The following SNTG2 variants were observed in gnomAD, a reference collection of about 807,000 sequenced individuals.
The protein encoded by SNTG2 is gamma-2-syntrophin.
SNTG2 carries 74 observed loss-of-function variants against 70.9 expected under a neutral mutation model. The ratio of observed to expected loss-of-function variants is 1.04; its 90% CI spans 0.86 to 1.27. SNTG2 has a LOEUF of 1.27. Among genes scored for constraint, SNTG2 ranks in the 50% most tolerant of loss-of-function variants. The probability of loss-of-function intolerance (pLI) is 0.00; values close to 1 mark genes in which losing one functional copy is unlikely to be tolerated. For synonymous variants in SNTG2, 278 were observed against 273.8 expected, an observed-to-expected ratio of 1.02 and a Z score of -0.15; for missense variants, 717 against 690.7, an observed-to-expected ratio of 1.04 and a Z score of -0.43.
In SNTG2 at chr2:1,209,175, G is replaced by A. The variant is rs756219413; in HGVS notation, c.664G>A (p.Val222Met). The change falls in exon 9 of 17, where the codon GTG becomes ATG. Residue 222 changes from valine to methionine, a missense_variant. Physicochemically the swap from Val to Met is conservative, Grantham distance 21 (BLOSUM62 1). Coordinates refer to ENST00000308624, the MANE Select transcript of SNTG2 (RefSeq NM_018968.4). ...GAAGCGCTGGCTGGACACCTTGTCCGTGCCTCTGTCCATGGCTCGCATCTC... is the reference window on the plus strand; with the variant it reads ...GAAGCGCTGGCTGGACACCTTGTCCATGCCTCTGTCCATGGCTCGCATCTC... ...YEKRWLDTLS[V>M]PLSMARISRY... is the part of the protein sequence containing the mutation. The A allele has an allele frequency of 2.0e-5, 32 of 1,613,828 alleles. No homozygotes were observed. Among genetic ancestry groups the A allele is most frequent in the East Asian group, 6.7e-5 (3 of 44,874 alleles).
At chr2:1,244,695 C>CAAAAAAAAA (rs558051455) in intron 11 of SNTG2, among the ~76,000 whole-genome samples, 1 of 88,618 alleles carries the variant, frequency 1.1e-5, no homozygotes, top group Non-Finnish European at 2.3e-5. Context: ...GACTCCATCT[C>CAAAAAAAAA]AAAAAAAAAA....
At chr2:1,290,527 C>T (rs1446864620) in intron 14 of SNTG2, among the ~76,000 whole-genome samples, 2 of 152,148 alleles carry the variant, frequency 1.3e-5, no homozygotes, top group Non-Finnish European at 1.5e-5. Flanking sequence ...GTTGTCCAGA[C>T]TGGTCTTGAG....
chr2:1,346,209 G>T lies in SNTG2; in HGVS notation c.1489-21134G>T. ...AAGCAGGACATGCATAGGAAGAGTGGACTGGCACTTTTCCCCCTGTTCTGG... is the reference window on the plus strand; with the variant it reads ...AAGCAGGACATGCATAGGAAGAGTGTACTGGCACTTTTCCCCCTGTTCTGG... On this transcript the variant is annotated intron_variant, in intron 16 of 16. Coordinates refer to ENST00000308624, the MANE Select transcript of SNTG2 (RefSeq NM_018968.4). Among the ~76,000 whole-genome samples the T allele has an allele frequency of 1.9e-5, 2 of 103,252 alleles. 1 individual carries two copies. Among genetic ancestry groups the T allele is most frequent in the East Asian group, 6.3e-4 (2 of 3,164 alleles). 67.7% of individuals were successfully genotyped at this position (103,252 alleles called of 152,430 possible).
At chr2:1,273,772 AC>A (rs1679155324) in intron 14 of SNTG2, among the ~76,000 whole-genome samples, 1 of 151,964 alleles carries the variant, frequency 6.6e-6, no homozygotes, top group Admixed American at 6.5e-5. Context: ...CAGATACAAA[AC>A]CAGAAGCACA....
intron 8 of SNTG2, among the ~76,000 whole-genome samples, chr2:1,173,553 G>T (rs527285017): frequency 6.6e-6 from 1 of 152,368 alleles, no homozygotes; most frequent in African/African-American, 2.4e-5. Flanking sequence ...ACCTAAGGAG[G>T]TATGAACACT....
rs200790625 is a variant in SNTG2, at chr2:1,165,584, A to G, written c.448A>G (p.Ile150Val). 1.2e-6 allele frequency: 2 copies of G among 1,613,090 alleles called. No individual in the cohort carries two copies. The highest frequency in any genetic ancestry group is 1.7e-6 in the Non-Finnish European group (2 of 1,179,628). Reference protein sequence around the residue: ...LLRNAGDEVTITVEYLREAPA... With the variant: ...LLRNAGDEVTVTVEYLREAPA... ...GAGAAATGCTGGCGATGAAGTTACCATCACCGTTGAGTATCTCAGGGAAGC... is the reference window on the plus strand; with the variant it reads ...GAGAAATGCTGGCGATGAAGTTACCGTCACCGTTGAGTATCTCAGGGAAGC... Residue 150 changes from isoleucine to valine, a missense_variant, in exon 7 of 17, where the codon ATC becomes GTC. Physicochemically the swap from Ile to Val is conservative, Grantham distance 29. Coordinates refer to ENST00000308624, the MANE Select transcript of SNTG2 (RefSeq NM_018968.4).
intron 2 of SNTG2, among the ~76,000 whole-genome samples, chr2:1,087,783 G>A (rs1468664936): frequency 6.6e-6 from 1 of 152,176 alleles, no homozygotes; most frequent in Non-Finnish European, 1.5e-5. Context: ...TAAAATGTAG[G>A]TGTATTGCTT....
intron 9 of SNTG2, among the ~76,000 whole-genome samples, chr2:1,211,045 A>G (rs1178991498): frequency 4.6e-5 from 7 of 152,242 alleles, no homozygotes; most frequent in Non-Finnish European, 1.0e-4. Flanking sequence ...TATTGCAGTC[A>G]TAGAGGGGCT....
intron 16 of SNTG2, among the ~76,000 whole-genome samples, chr2:1,338,794 C>T (rs538828668): frequency 6.6e-6 from 1 of 152,252 alleles, no homozygotes; most frequent in African/African-American, 2.4e-5. Flanking sequence ...GGTTATTTCA[C>T]CTTTTGGCTA....
At chr2:1,234,918 G>C (rs1049776174) in intron 9 of SNTG2, among the ~76,000 whole-genome samples, 1 of 152,222 alleles carries the variant, frequency 6.6e-6, no homozygotes, top group African/African-American at 2.4e-5. Flanking sequence ...CCTGCTGAGA[G>C]CACCCAGTGT....
At chr2:1,260,677 A>G (rs537826849) in intron 13 of SNTG2, among the ~76,000 whole-genome samples, 78 of 152,236 alleles carry the variant, frequency 5.1e-4, no homozygotes, top group Middle Eastern at 3.2e-3. Flanking sequence ...TATCTGTGAC[A>G]GGAATGCATT....
chr2:1,154,944 CAT>C (rs1669761741), intron 6 of SNTG2, among the ~76,000 whole-genome samples: 1 of 94,726 alleles, frequency 1.1e-5, no homozygotes, highest in Admixed American at 1.0e-4. Flanking sequence ...ACACCACACA[CAT>C]AAACTCACAC....
intron 1 of SNTG2, among the ~76,000 whole-genome samples, chr2:1,034,582 A>G (rs968835853): frequency 1.7e-4 from 26 of 152,202 alleles, no homozygotes; most frequent in African/African-American, 6.3e-4. Flanking sequence ...CCAACAGGGT[A>G]TAAGTGTTCT....
At chr2:1,299,872 G>A (rs1028259778) in intron 14 of SNTG2, among the ~76,000 whole-genome samples, 3 of 152,208 alleles carry the variant, frequency 2.0e-5, no homozygotes, top group Non-Finnish European at 2.9e-5. Context: ...AGAATTCAAC[G>A]TAAGGCACTT....
At chr2:1,117,707 C>T (rs139316798) in intron 4 of SNTG2, among the ~76,000 whole-genome samples, 18 of 152,342 alleles carry the variant, frequency 1.2e-4, no homozygotes, top group African/African-American at 3.6e-4. Context: ...AGGTTCCTGC[C>T]TCCCCAGGGC....
At chr2:1,356,412 A>G (rs1487484960) in intron 16 of SNTG2, among the ~76,000 whole-genome samples, 1 of 152,204 alleles carries the variant, frequency 6.6e-6, no homozygotes, top group Admixed American at 6.5e-5. Flanking sequence ...CTGAATATCC[A>G]GTTTTCACAG....
chr2:958,229 C>CA lies in SNTG2; in HGVS notation c.72+7164dup, dbSNP rs137989525. On this transcript the variant is annotated intron_variant, in intron 1 of 16. Coordinates refer to ENST00000308624, the MANE Select transcript of SNTG2 (RefSeq NM_018968.4). Reference sequence around the variant, plus strand: ...ACGTGCAAAGGCTGAGAAATGGCCCCAAATGCGTTTCCTTTAAGTGGTTAT... The same window carrying CA: ...ACGTGCAAAGGCTGAGAAATGGCCCCAAAATGCGTTTCCTTTAAGTGGTTAT... 7.4e-3 allele frequency among the ~76,000 whole-genome samples: 1,124 copies of CA among 152,266 alleles called. 18 individuals are homozygous for CA. The highest frequency in any genetic ancestry group is 0.026 in the African/African-American group (1,066 of 41,546).
intron 14 of SNTG2, among the ~76,000 whole-genome samples, chr2:1,289,327 C>T (rs993258405): frequency 6.6e-6 from 1 of 152,194 alleles, no homozygotes; most frequent in East Asian, 2.0e-4. Context: ...CCTCATCTTT[C>T]CTGGGGCACT....
intron 16 of SNTG2, among the ~76,000 whole-genome samples, chr2:1,349,559 G>T (rs145134232): frequency 7.9e-5 from 12 of 152,362 alleles, no homozygotes; most frequent in African/African-American, 2.6e-4. Context: ...GGTTAAACTA[G>T]AAGCTAAATT....
Sources: allele counts gnomAD v4.1 joint callset (sites outside exome capture counted in the v4.1 genomes callset), GRCh38; gene constraint gnomAD v4.1.1; transcripts MANE v1.5; gene names NCBI Gene and HGNC (gene_info 2026-07-23, HGNC 2026-07-21).